GPC6: variants seen among roughly 807,000 people sequenced by gnomAD.
GPC6 encodes glypican-6.
Under a neutral mutation model 55.2 loss-of-function variants are expected in GPC6, and 14 were observed. The observed-to-expected ratio is 0.25, with a 90% CI of 0.17 to 0.40. The LOEUF is 0.40. Ranked by LOEUF, GPC6 falls within the 10% of genes least tolerant of loss-of-function variation. GPC6 has a pLI of 1.00. For missense variants in GPC6, 641 were observed against 708.5 expected (o/e 0.90, Z 1.08); for synonymous variants, 278 against 259.6 (o/e 1.07, Z -0.68).
At position 94,319,965 on chromosome 13, in the gene GPC6, G is replaced by A. The variant is rs142621126; in HGVS notation, c.1152+13842G>A. On this transcript the variant is annotated intron_variant, in intron 6 of 8. Transcript: ENST00000377047. Reference sequence around the variant, plus strand: ...TTATGTCTTCAAATATTGCTTCACCGTCTTTCACTCTCTTTCTCTACTCAT... The same window carrying A: ...TTATGTCTTCAAATATTGCTTCACCATCTTTCACTCTCTTTCTCTACTCAT... Among the ~76,000 whole-genome samples, 89 of 152,152 alleles carry A rather than the reference G, an allele frequency of 5.8e-4. 1 individual carries two copies. In the East Asian group the frequency reaches 0.015, roughly 26 times the overall value.
At chr13:94,177,161 A>G (rs182072455) in intron 4 of GPC6, among the ~76,000 whole-genome samples, 2 of 152,306 alleles carry the variant, frequency 1.3e-5, no homozygotes, top group East Asian at 3.9e-4. Context: ...CTCTTGACCC[A>G]CATGTGACAG....
intron 4 of GPC6, among the ~76,000 whole-genome samples, chr13:94,076,362 TTATC>T (rs1247007656): frequency 1.3e-5 from 2 of 151,938 alleles, no homozygotes; most frequent in African/African-American, 4.8e-5. Context: ...ACATTGGATA[TTATC>T]TATCTATCTA....
intron 4 of GPC6, among the ~76,000 whole-genome samples, chr13:94,079,485 T>C (rs186831266): frequency 6.6e-6 from 1 of 152,292 alleles, no homozygotes; most frequent in East Asian, 1.9e-4. Flanking sequence ...TCAATGTTTG[T>C]AGAGTCATTG....
chr13:94,200,575 G>T (rs1003419392), intron 4 of GPC6, among the ~76,000 whole-genome samples: 9 of 152,224 alleles, frequency 5.9e-5, no homozygotes, highest in Admixed American at 5.2e-4. Context: ...TATTTTAATG[G>T]TGTCTCTATT....
intron 4 of GPC6, among the ~76,000 whole-genome samples, chr13:94,066,444 T>C (rs1023741126): frequency 2.0e-5 from 3 of 152,202 alleles, no homozygotes; most frequent in Non-Finnish European, 4.4e-5. Context: ...CTATCACATA[T>C]ACAGTTTTTC....
rs398023983 is a variant in GPC6 at position 93,624,130 on chromosome 13, T to TC, written c.319+78711dup. On this transcript the variant is annotated intron_variant, in intron 2 of 8. Coordinates refer to ENST00000377047, the MANE Select transcript of GPC6 (RefSeq NM_005708.5). ...AAATTTCAACTTTTTTTTTTTTTTTTCCTCTTCACTGTCTTCCAGACACAG... is the reference window on the plus strand; with the variant it reads ...AAATTTCAACTTTTTTTTTTTTTTTTCCCTCTTCACTGTCTTCCAGACACAG... Among the ~76,000 whole-genome samples, 17 of 150,720 alleles carry TC rather than the reference T, an allele frequency of 1.1e-4. 1 individual carries two copies. The highest frequency in any genetic ancestry group is 1.3e-4 in the Admixed American group (2 of 15,014).
chr13:93,687,895 CT>C lies in GPC6; in HGVS notation c.320-142249del, dbSNP rs11424192. On this transcript the variant is annotated intron_variant, in intron 2 of 8. Transcript: ENST00000377047. ...AGCCTTAGGATTTTTGTGTGTTTGG[CT>C]TTTTTTTTTATGAGAAAAAGTTTAT... 1.5e-3 allele frequency among the ~76,000 whole-genome samples: 217 copies of C among 146,562 alleles called. 2 individuals carry two copies. The highest frequency in any genetic ancestry group is 4.3e-3 in the African/African-American group (175 of 40,338).
intron 2 of GPC6, among the ~76,000 whole-genome samples, chr13:93,680,113 A>G (rs1322354294): frequency 6.6e-6 from 1 of 152,192 alleles, no homozygotes; most frequent in African/African-American, 2.4e-5. Flanking sequence ...ATGTGATTTT[A>G]TCTGGAGATA....
intron 3 of GPC6, among the ~76,000 whole-genome samples, chr13:93,861,761 A>G (rs1466377756): frequency 6.6e-6 from 1 of 151,680 alleles, no homozygotes; most frequent in Non-Finnish European, 1.5e-5. Context: ...CTGGTCTAAA[A>G]ATCAGCCCCT....
intron 2 of GPC6, among the ~76,000 whole-genome samples, chr13:93,581,302 C>G (rs1350099973): frequency 2.6e-5 from 4 of 152,128 alleles, no homozygotes; most frequent in Non-Finnish European, 5.9e-5. Context: ...CATATTGTTG[C>G]TACACCTTTC....
rs146625523 is a variant in GPC6, at chr13:93,594,849, G to C, written c.319+49428G>C. Among the ~76,000 whole-genome samples the C allele has an allele frequency of 2.9e-3, 437 of 151,394 alleles. 2 individuals are homozygous for C. The highest frequency in any genetic ancestry group is 0.01 in the African/African-American group (425 of 41,234). Reference sequence around the variant, plus strand: ...GGGGCAAACTAGATCCCTTGGGCCTGTTTTAGAAGTGCACTTATTCTATTC... The same window carrying C: ...GGGGCAAACTAGATCCCTTGGGCCTCTTTTAGAAGTGCACTTATTCTATTC... On this transcript the variant is annotated intron_variant, in intron 2 of 8. Transcript: ENST00000377047.
At chr13:93,690,480 C>T (rs1882219520) in intron 2 of GPC6, among the ~76,000 whole-genome samples, 1 of 151,522 alleles carries the variant, frequency 6.6e-6, no homozygotes, top group African/African-American at 2.4e-5. Flanking sequence ...ATTTTTATGG[C>T]CTCTCACTAG....
the GPC6 span, among the ~76,000 whole-genome samples, chr13:93,217,400 GTCTA>G: frequency 6.6e-6 from 1 of 152,200 alleles, no homozygotes; most frequent in Non-Finnish European, 1.5e-5. Flanking sequence ...AATTTGCACA[GTCTA>G]AAGTATTTTT....
intron 6 of GPC6, among the ~76,000 whole-genome samples, chr13:94,334,759 G>A (rs952748377): frequency 2.6e-5 from 4 of 152,174 alleles, no homozygotes; most frequent in African/African-American, 9.7e-5. Context: ...GTGTCTTCCT[G>A]AGCACATCAG....
chr13:93,243,631 AG>A (rs1399860902), intron 1 of GPC6, among the ~76,000 whole-genome samples: 1 of 152,136 alleles, frequency 6.6e-6, no homozygotes, highest in Non-Finnish European at 1.5e-5. Context: ...TGGTCTGTTC[AG>A]GATTTCTAAA....
intron 1 of GPC6, among the ~76,000 whole-genome samples, chr13:93,425,188 A>G (rs1369096960): frequency 1.3e-5 from 2 of 152,198 alleles, no homozygotes; most frequent in Non-Finnish European, 2.9e-5. Context: ...TTTTAAGTAG[A>G]GACAGTATTT....
intron 1 of GPC6, among the ~76,000 whole-genome samples, chr13:93,503,474 A>G (rs895367775): frequency 6.6e-6 from 1 of 152,198 alleles, no homozygotes. Flanking sequence ...AAATGTAAAC[A>G]CCATTTTTAG....
intron 4 of GPC6, among the ~76,000 whole-genome samples, chr13:94,223,650 A>G (rs1158534301): frequency 1.3e-5 from 2 of 152,128 alleles, no homozygotes; most frequent in African/African-American, 2.4e-5. Context: ...ACACATTATC[A>G]TATAAATCCT....
intron 1 of GPC6, among the ~76,000 whole-genome samples, chr13:93,468,588 T>C (rs985459820): frequency 2.6e-5 from 4 of 152,022 alleles, no homozygotes; most frequent in African/African-American, 9.7e-5. Flanking sequence ...ACATAGAAAG[T>C]GAGGCTTACA....
Sources: allele counts gnomAD v4.1 joint callset (sites outside exome capture counted in the v4.1 genomes callset), GRCh38; gene constraint gnomAD v4.1.1; transcripts MANE v1.5; gene names NCBI Gene and HGNC (gene_info 2026-07-23, HGNC 2026-07-21).